PAPOLG: variants seen among roughly 807,000 people sequenced by gnomAD.
The protein encoded by PAPOLG is PAP-gamma.
A neutral mutation model predicts 99.0 loss-of-function variants in PAPOLG; 40 were observed. The observed-to-expected ratio is 0.40, with a 90% CI of 0.31 to 0.53. The LOEUF is 0.53. PAPOLG is among the 20% of genes least tolerant of loss of function. The pLI, the probability that PAPOLG is intolerant of heterozygous loss-of-function variation, is 0.41. For synonymous variants in PAPOLG, 310 were observed against 299.3 expected, an observed-to-expected ratio of 1.04 and a Z score of -0.37; for missense variants, 675 against 884.1, an observed-to-expected ratio of 0.76 and a Z score of 3.00.
intron 12 of PAPOLG, 64 bp downstream of exon 12, chr2:60,782,834 A>G (rs1573242922): frequency 2.7e-6 from 4 of 1,475,198 alleles, no homozygotes; most frequent in South Asian, 1.4e-5. Context: ...AATGTTAAAC[A>G]TAGTTAATAT....
intron 13 of PAPOLG, among the ~76,000 whole-genome samples, chr2:60,783,537 G>A (rs1671265553): frequency 9.4e-6 from 1 of 105,920 alleles, no homozygotes; most frequent in Non-Finnish European, 2.0e-5. Flanking sequence ...TTGAGAAGGA[G>A]TCTCCCTCTG....
intron 7 of PAPOLG, among the ~76,000 whole-genome samples, chr2:60,773,027 C>T (rs1314934323): frequency 2.0e-5 from 3 of 152,044 alleles, no homozygotes; most frequent in African/African-American, 4.8e-5. Context: ...TGGGTTCAAG[C>T]GATTCTCCTG....
chr2:60,775,237 C>A, intron 8 of PAPOLG, 114 bp downstream of exon 8: 2 of 1,229,438 alleles, frequency 1.6e-6, no homozygotes, highest in Non-Finnish European at 2.2e-6. Context: ...GGTTAAGGGC[C>A]AATAAACTCT....
chr2:60,782,803 A>ATT (rs139543059), intron 12 of PAPOLG, 33 bp downstream of exon 12: 75 of 1,221,594 alleles, frequency 6.1e-5, no homozygotes, highest in South Asian at 2.2e-4. Context: ...TATGTATGTG[A>ATT]TTTTTTTTTT....
At chr2:60,759,992 C>T (rs1670475054) in intron 1 of PAPOLG, 142 bp from the exon 2 acceptor site, 7 of 751,208 alleles carry the variant, frequency 9.3e-6, no homozygotes, top group Non-Finnish European at 1.5e-5. Flanking sequence ...TTTTCCTTTA[C>T]AAGAAAGTGT....
In PAPOLG at chr2:60,794,983, C is replaced by T. The variant is rs1671651823; in HGVS notation, c.2075C>T (p.Ser692Phe). 6.2e-7 allele frequency: 1 copy of T among 1,613,520 alleles called. No homozygotes were observed. Among genetic ancestry groups the T allele is most frequent in the Admixed American group, 1.7e-5 (1 of 59,936 alleles). The change falls in exon 21 of 22, where the codon TCT (serine) becomes TTT (phenylalanine). Residue 692 changes from serine (S) to phenylalanine (F), a missense_variant. By Grantham distance (155) the Ser-to-Phe change is radical. This residue lies in a region of PAPOLG where 413 missense variants were observed against 460.5 expected (regional missense o/e 0.90). Transcript: ENST00000238714. ...TTTTAGGATGCCATTGGAGGAGAAT[C>T]TATGCCTATTCCAACTATTGATACA... ...RKSVDAIGGE[S>F]MPIPTIDTSR...
At position 60,797,133 on chromosome 2, in the gene PAPOLG, T is replaced by G; in HGVS notation, c.2184T>G (p.Asn728Lys). Residue 728 changes from asparagine to lysine, a missense_variant, in exon 22 of 22, where the codon AAT (asparagine) becomes AAG (lysine). Physicochemically the swap from Asn to Lys is moderately conservative, Grantham distance 94. Coordinates refer to ENST00000238714, the MANE Select transcript of PAPOLG (RefSeq NM_022894.4). ...CAAACAACATCCGTGTCATCAAAAATTCCATTCGACTGACCCTTAATCGGT... is the reference window on the plus strand; with the variant it reads ...CAAACAACATCCGTGTCATCAAAAAGTCCATTCGACTGACCCTTAATCGGT... ...VPANNIRVIK[N>K]SIRLTLNR The G allele has an allele frequency of 6.2e-7, 1 of 1,614,106 alleles. No homozygotes were observed. The highest frequency in any genetic ancestry group is 8.5e-7 in the Non-Finnish European group (1 of 1,179,970).
intron 21 of PAPOLG, among the ~76,000 whole-genome samples, chr2:60,795,625 A>G (rs1272968435): frequency 1.3e-5 from 2 of 151,620 alleles, no homozygotes; most frequent in Non-Finnish European, 2.9e-5. Context: ...TATAATGAAC[A>G]GAATGGCTTA....
intron 10 of PAPOLG, among the ~76,000 whole-genome samples, chr2:60,781,417 T>G (rs868751295): frequency 3.9e-4 from 60 of 152,292 alleles, no homozygotes; most frequent in African/African-American, 1.4e-3. Context: ...AAGATTTACT[T>G]TGCAATACAA....
rs1205771964 is a variant in PAPOLG, at chr2:60,756,294, A to G, written c.-185A>G. On this transcript the variant is annotated 5_prime_UTR_variant, in exon 1 of 22. Transcript: ENST00000238714. ...TTGGCGTCGGCCGCGCTGTATTGTCATAAATAGAGCCGGTTTTGTGGTGTT... is the reference window on the plus strand; with the variant it reads ...TTGGCGTCGGCCGCGCTGTATTGTCGTAAATAGAGCCGGTTTTGTGGTGTT... The G allele has an allele frequency of 2.8e-6, 2 of 723,164 alleles. No homozygotes were observed. Among genetic ancestry groups the G allele is most frequent in the African/African-American group, 1.8e-5 (1 of 55,932 alleles). 44.8% of individuals were successfully genotyped at this position (723,164 alleles called of 1,614,324 possible). A position where few individuals can be genotyped will look rare whatever the true frequency, so the allele number is the denominator to read the frequency against.
At chr2:60,757,691 T>G (rs1670389561) in intron 1 of PAPOLG, among the ~76,000 whole-genome samples, 1 of 152,198 alleles carries the variant, frequency 6.6e-6, no homozygotes, top group East Asian at 1.9e-4. Context: ...AGTGACTATT[T>G]TATTTCTAAG....
chr2:60,784,791 C>A (rs79918340), intron 13 of PAPOLG, among the ~76,000 whole-genome samples: 2,200 of 152,210 alleles, frequency 0.014, 59 homozygotes, highest in African/African-American at 0.051. Flanking sequence ...TGCTTCATAG[C>A]AAAGTTGAAT....
chr2:60,778,905 G>A (rs1013495350), intron 8 of PAPOLG, among the ~76,000 whole-genome samples: 7 of 151,862 alleles, frequency 4.6e-5, no homozygotes, highest in Non-Finnish European at 1.0e-4. Context: ...CTCGCTTGGC[G>A]GGACATAATA....
Position 60,794,029 on chromosome 2 carries a change from A to G in PAPOLG, c.1827A>G (p.Val609=). 1 of 1,611,964 alleles carries G rather than the reference A, an allele frequency of 6.2e-7. No individual in the cohort carries two copies. Among genetic ancestry groups the G allele is most frequent in the Non-Finnish European group, 8.5e-7 (1 of 1,178,016 alleles). The change falls in exon 19 of 22, where the codon GTA becomes GTG. Residue 609 remains valine, a synonymous_variant. Transcript: ENST00000238714. The part of the protein sequence containing the change: ...SPPTVCTIPT[V]VGRNVIPRIT... ...CCACTGTGTGTACCATTCCTACCGTAGTAGGACGAAATGTCATTCCTAGAA... is the reference window on the plus strand; with the variant it reads ...CCACTGTGTGTACCATTCCTACCGTGGTAGGACGAAATGTCATTCCTAGAA...
At chr2:60,793,282 CGTG>C (rs1671599291) in intron 17 of PAPOLG, among the ~76,000 whole-genome samples, 1 of 147,256 alleles carries the variant, frequency 6.8e-6, no homozygotes, top group Non-Finnish European at 1.5e-5. Flanking sequence ...TGGGGCCAGG[CGTG>C]GTGGGTCACA....
In PAPOLG at chr2:60,780,752, T is replaced by C; in HGVS notation, c.879T>C (p.Asn293=). ...PVLLKQPEES[N]LNLPVWDPRV... is the part of the protein sequence containing the mutation. Reference sequence around the variant, plus strand: ...TGCTGAAGCAACCAGAAGAAAGCAATTTGAATTTGCCTGTCTGGGATCCTC... The same window carrying C: ...TGCTGAAGCAACCAGAAGAAAGCAACTTGAATTTGCCTGTCTGGGATCCTC... The change falls in exon 10 of 22, where the codon AAT becomes AAC. Residue 293 remains asparagine, a synonymous_variant. Transcript: ENST00000238714. The C allele has an allele frequency of 2.5e-6, 4 of 1,613,970 alleles. No homozygotes were observed. Among genetic ancestry groups the C allele is most frequent in the Non-Finnish European group, 3.4e-6 (4 of 1,179,882 alleles).
At chr2:60,771,454 A>T (rs2087270077) in intron 6 of PAPOLG, 65 bp from the exon 7 acceptor site, 5 of 1,497,518 alleles carry the variant, frequency 3.3e-6, no homozygotes, top group Non-Finnish European at 4.4e-6. Context: ...TTTTGGTGGG[A>T]TGGGAGAGGA....
In PAPOLG at chr2:60,792,112, T is replaced by C; in HGVS notation, c.1519-17T>C. The stretch of plus-strand genomic sequence containing the variant: ...TCATTTGCATTTTGAAATCCTAAAA[T>C]CGTTCCCTTCTTTCAGCAAAGTCTC... On this transcript the variant is annotated splice_polypyrimidine_tract_variant and intron_variant, in intron 16 of 21. Transcript: ENST00000238714. 1 of 1,567,226 alleles carries C rather than the reference T, an allele frequency of 6.4e-7. No homozygotes were observed. Among genetic ancestry groups the C allele is most frequent in the Non-Finnish European group, 8.6e-7 (1 of 1,162,320 alleles).
At chr2:60,783,869 A>G (rs570121728) in intron 13 of PAPOLG, among the ~76,000 whole-genome samples, 2 of 152,236 alleles carry the variant, frequency 1.3e-5, no homozygotes, top group East Asian at 1.9e-4. Context: ...AGCAAAAGAC[A>G]CATGTATAGA....
Sources: allele counts gnomAD v4.1 joint callset (sites outside exome capture counted in the v4.1 genomes callset), GRCh38; gene constraint gnomAD v4.1.1; regional missense constraint gnomAD v4.1.1; transcripts MANE v1.5; gene names NCBI Gene and HGNC (gene_info 2026-07-23, HGNC 2026-07-21).